Variants in DNAH14 observed in about 807,000 individuals in gnomAD.
DNAH14 encodes the protein axonemal beta dynein heavy chain 14.
DNAH14 carries 478 observed loss-of-function variants against 520.9 expected under a neutral mutation model. The observed-to-expected ratio is 0.92, with a 90% CI of 0.85 to 0.99. The LOEUF (loss-of-function observed/expected upper bound fraction) is 0.99. Among genes scored for constraint, DNAH14 ranks in the 50% least tolerant of loss-of-function variants. DNAH14 has a pLI of 0.00. For synonymous variants in DNAH14, 1,581 were observed against 1,757.2 expected (o/e 0.90, Z 2.51); for missense variants, 4,831 against 5,234.5 (o/e 0.92, Z 2.38).
chr1:225,196,997 G>T (rs2086225880), intron 38 of DNAH14, among the ~76,000 whole-genome samples: 3 of 152,102 alleles, frequency 2.0e-5, no homozygotes, highest in Admixed American at 1.3e-4. Flanking sequence ...TCTGTGGGTT[G>T]TCTGTTTACT....
chr1:225,027,638 G>C (rs2066220075), intron 11 of DNAH14, among the ~76,000 whole-genome samples: 1 of 152,088 alleles, frequency 6.6e-6, no homozygotes, highest in East Asian at 1.9e-4. Context: ...GTAGGGGGAG[G>C]TGCTATACAC....
At position 225,358,613 on chromosome 1, in the gene DNAH14, T is replaced by A; in HGVS notation, c.11737T>A (p.Ser3913Thr). ...GVNLKDAYKGSNARTPLILIQ... is the reference protein window; with the variant it reads ...GVNLKDAYKGTNARTPLILIQ... ...TAATTTGAAAGATGCATATAAAGGA[T>A]CCAATGCCAGAACTCCGCTGATACT... is the stretch of plus-strand genomic sequence containing the variant. Residue 3913 changes from serine (S) to threonine (T), a missense_variant, in exon 74 of 86, where the codon TCC (serine) becomes ACC (threonine). By Grantham distance (58) the Ser-to-Thr change is moderately conservative (BLOSUM62 1). Coordinates refer to ENST00000682510, the MANE Select transcript of DNAH14 (RefSeq NM_001367479.1). The A allele has an allele frequency of 1.3e-6, 2 of 1,548,378 alleles. No homozygotes were observed. Among genetic ancestry groups the A allele is most frequent in the Non-Finnish European group, 8.7e-7 (1 of 1,146,034 alleles).
intron 27 of DNAH14, among the ~76,000 whole-genome samples, chr1:225,132,902 T>A (rs2078574255): frequency 1.3e-5 from 2 of 152,340 alleles, no homozygotes; most frequent in South Asian, 4.1e-4. Context: ...TTTGACTTTT[T>A]AACAATAGCC....
intron 23 of DNAH14, among the ~76,000 whole-genome samples, chr1:225,105,610 T>C (rs2075974531): frequency 1.3e-5 from 2 of 152,358 alleles, no homozygotes; most frequent in South Asian, 4.1e-4. Flanking sequence ...TTAGCTCTTC[T>C]TGTTGAATTG....
At chr1:225,371,040 C>A (rs1353895579) in intron 77 of DNAH14, among the ~76,000 whole-genome samples, 1 of 152,142 alleles carries the variant, frequency 6.6e-6, no homozygotes, top group African/African-American at 2.4e-5. Flanking sequence ...GCTTAATTCA[C>A]TCTGAACGTT....
At chr1:224,970,012 G>A (rs2125618810) in intron 7 of DNAH14, among the ~76,000 whole-genome samples, 1 of 152,288 alleles carries the variant, frequency 6.6e-6, no homozygotes, top group African/African-American at 2.4e-5. Flanking sequence ...CAATGTTCAG[G>A]GAACAAGAGA....
intron 76 of DNAH14, among the ~76,000 whole-genome samples, chr1:225,365,633 T>A (rs140410827): frequency 2.0e-5 from 3 of 152,010 alleles, no homozygotes; most frequent in Non-Finnish European, 4.4e-5. Flanking sequence ...TTTCCCAACA[T>A]CCCGGTTCCT....
intron 55 of DNAH14, among the ~76,000 whole-genome samples, chr1:225,293,473 T>C (rs2093937788): frequency 6.7e-6 from 1 of 150,082 alleles, no homozygotes; most frequent in Non-Finnish European, 1.5e-5. Context: ...ATATATACCA[T>C]GGAATACTAT....
chr1:225,309,220 A>G (rs1260122040), intron 60 of DNAH14, among the ~76,000 whole-genome samples: 2 of 152,180 alleles, frequency 1.3e-5, no homozygotes, highest in African/African-American at 4.8e-5. Flanking sequence ...TTACCTTATA[A>G]CATGGTTGAA....
rs139311059 is a variant in DNAH14, at chr1:225,021,898, AC to A, written c.1108-1715del. Among the ~76,000 whole-genome samples the A allele has an allele frequency of 4.7e-3, 711 of 152,338 alleles. 6 individuals carry two copies. Among genetic ancestry groups the A allele is most frequent in the African/African-American group, 0.017 (690 of 41,576 alleles). ...CTTCAAACTATACAAGACTACAGTA[AC>A]CAAACAGCATGGTAAGGGTACAAAA... is the stretch of plus-strand genomic sequence containing the variant. On this transcript the variant is annotated intron_variant, in intron 10 of 85. Coordinates refer to ENST00000682510, the MANE Select transcript of DNAH14 (RefSeq NM_001367479.1).
chr1:225,347,441 G>A (rs80204913), intron 71 of DNAH14, among the ~76,000 whole-genome samples: 216 of 152,206 alleles, frequency 1.4e-3, no homozygotes, highest in African/African-American at 5.1e-3. Flanking sequence ...CAACTGACAG[G>A]AAATCCCCCC....
intron 44 of DNAH14, among the ~76,000 whole-genome samples, chr1:225,254,460 CA>C (rs1163352067): frequency 1.3e-5 from 2 of 152,120 alleles, no homozygotes; most frequent in African/African-American, 4.8e-5. Context: ...AAAAAATTGG[CA>C]ACATTGTTAG....
intron 64 of DNAH14, among the ~76,000 whole-genome samples, chr1:225,326,875 C>T (rs887905912): frequency 6.6e-6 from 1 of 151,444 alleles, no homozygotes; most frequent in African/African-American, 2.4e-5. Flanking sequence ...AAAGCTTAAA[C>T]AATCCAAAAA....
At chr1:225,190,720 C>A (rs2085314525) in intron 37 of DNAH14, among the ~76,000 whole-genome samples, 1 of 151,956 alleles carries the variant, frequency 6.6e-6, no homozygotes, top group Non-Finnish European at 1.5e-5. Context: ...AGAGAAAAGA[C>A]CACATGAAGA....
chr1:225,270,733 A>C lies in DNAH14; in HGVS notation c.7540-2A>C, dbSNP rs769829949. On this transcript the variant is annotated splice_acceptor_variant, in intron 49 of 85. Coordinates refer to ENST00000682510, the MANE Select transcript of DNAH14 (RefSeq NM_001367479.1). LOFTEE classifies it high-confidence loss of function. Reference sequence around the variant, plus strand: ...TACTCTTCCTTTTTATCCTTATCACAGAATATTCAAGATCTGTCTATAGTT... The same window carrying C: ...TACTCTTCCTTTTTATCCTTATCACCGAATATTCAAGATCTGTCTATAGTT... 1 of 1,550,722 alleles carries C rather than the reference A, an allele frequency of 6.4e-7. No individual in the cohort carries two copies. Among genetic ancestry groups the C allele is most frequent in the South Asian group, 1.2e-5 (1 of 83,854 alleles).
intron 41 of DNAH14, among the ~76,000 whole-genome samples, chr1:225,222,913 G>A (rs954824598): frequency 6.6e-6 from 1 of 152,098 alleles, no homozygotes; most frequent in Non-Finnish European, 1.5e-5. Flanking sequence ...CATGCACAAG[G>A]GCAATGGGTC....
intron 17 of DNAH14, among the ~76,000 whole-genome samples, chr1:225,073,120 A>G (rs952166125): frequency 3.3e-5 from 5 of 152,180 alleles, no homozygotes; most frequent in Non-Finnish European, 7.3e-5. Context: ...GCCAGAGAAC[A>G]CCAGTGGTGG....
intron 17 of DNAH14, among the ~76,000 whole-genome samples, chr1:225,065,959 T>C (rs1311862543): frequency 2.0e-5 from 3 of 152,066 alleles, no homozygotes; most frequent in Admixed American, 2.0e-4. Flanking sequence ...AAAAGGGCAG[T>C]ATGAAATTAT....
intron 36 of DNAH14, among the ~76,000 whole-genome samples, chr1:225,174,594 G>A (rs891343173): frequency 4.6e-5 from 7 of 151,864 alleles, no homozygotes; most frequent in Non-Finnish European, 8.8e-5. Flanking sequence ...AGTACTTTCT[G>A]TATAGATGAT....
Sources: gnomAD v4.1 joint callset for allele counts (sites outside exome capture counted in the v4.1 genomes callset) on GRCh38, gnomAD v4.1.1 for gene constraint, MANE v1.5 for transcripts, NCBI Gene and HGNC (gene_info 2026-07-23, HGNC 2026-07-21) for gene names.